The following IQGAP3 variants were observed in gnomAD, a reference collection of about 807,000 sequenced individuals.
The protein encoded by IQGAP3 is IQ motif containing GTPase activating protein 3.
A neutral mutation model predicts 208.2 loss-of-function variants in IQGAP3; 165 were observed. The observed-to-expected ratio is 0.79, with a 90% CI of 0.70 to 0.90. IQGAP3 has a LOEUF of 0.90. IQGAP3 is among the 40% of genes least tolerant of loss of function. The pLI, the probability that IQGAP3 is intolerant of heterozygous loss-of-function variation, is 0.00. For synonymous variants in IQGAP3, 703 were observed against 803.6 expected, an observed-to-expected ratio of 0.87 and a Z score of 2.12; for missense variants, 1,811 against 2,043.1, an observed-to-expected ratio of 0.89 and a Z score of 2.19.
chr1:156,564,949 T>C (rs1487814939), intron 4 of IQGAP3, among the ~76,000 whole-genome samples: 1 of 152,076 alleles, frequency 6.6e-6, no homozygotes, highest in African/African-American at 2.4e-5. Context: ...AAACACCAGA[T>C]AAGGCCATCA....
chr1:156,540,238 G>T (rs1674911384), intron 23 of IQGAP3, among the ~76,000 whole-genome samples: 2 of 152,134 alleles, frequency 1.3e-5, no homozygotes, highest in African/African-American at 4.8e-5. Context: ...CTGAGGAATT[G>T]TGTCTATTTG....
rs1210779054 is a variant in IQGAP3, at chr1:156,554,365, C to T, written c.1318G>A (p.Ala440Thr). Residue 440 changes from alanine to threonine, a missense_variant, in exon 13 of 38, where the codon GCT (alanine) becomes ACT (threonine). Ala to Thr is a moderately conservative substitution (Grantham distance 58). Transcript: ENST00000361170. The part of the protein sequence containing the change: ...GELGQEELFV[A>T]VEMLSAVVLI... ...ACCACAGCTGAGAGCATCTCCACAG[C>T]CACGAAGAGCTCCTCCTGGCCAAGC... 1.2e-6 allele frequency: 2 copies of T among 1,609,248 alleles called. No homozygotes were observed.
chr1:156,554,619 G>A lies in IQGAP3; in HGVS notation c.1291-227C>T, dbSNP rs191716220. Among the ~76,000 whole-genome samples, 1,053 of 152,210 alleles carry A rather than the reference G, an allele frequency of 6.9e-3. 4 individuals are homozygous for A. The highest frequency in any genetic ancestry group is 0.012 in the Non-Finnish European group (804 of 68,024). On this transcript the variant is annotated intron_variant, in intron 12 of 37. Transcript: ENST00000361170. The stretch of plus-strand genomic sequence containing the variant: ...TATCATTTAATTTTCATAATAAGCC[G>A]ACAATAGAACCATAGTACCATTAAC...
chr1:156,552,203 C>T, intron 13 of IQGAP3, 108 bp from the exon 14 acceptor site: 1 of 1,338,304 alleles, frequency 7.5e-7, no homozygotes, highest in East Asian at 2.4e-5. Flanking sequence ...GGACACCACA[C>T]TCTTTTAGTT....
chr1:156,570,201 C>A (rs901168546), intron 1 of IQGAP3, among the ~76,000 whole-genome samples: 12 of 152,048 alleles, frequency 7.9e-5, no homozygotes, highest in African/African-American at 2.7e-4. Flanking sequence ...TCATCAATAC[C>A]TCCTTTATGC....
At position 156,566,405 on chromosome 1, in the gene IQGAP3, C is replaced by T. The variant is rs1393315042; in HGVS notation, c.267G>A (p.Glu89=). 6.2e-7 allele frequency: 1 copy of T among 1,614,010 alleles called. No individual in the cohort carries two copies. Among genetic ancestry groups the T allele is most frequent in the Non-Finnish European group, 8.5e-7 (1 of 1,180,002 alleles). The change falls in exon 3 of 38, where the codon GAG becomes GAA. Residue 89 remains glutamate (E), a synonymous_variant. Coordinates refer to ENST00000361170, the MANE Select transcript of IQGAP3 (RefSeq NM_178229.5). ...ATCCTCCCACCTGGTACCGCAGCTG[C>T]TCCACATCGTAGATCTTCTTCAAGG... ...VVPLKKIYDV[E]QLRYQATGLH...
At chr1:156,527,347 G>T (rs189824996) in intron 37 of IQGAP3, among the ~76,000 whole-genome samples, 7 of 151,712 alleles carry the variant, frequency 4.6e-5, no homozygotes, top group South Asian at 4.2e-4. Flanking sequence ...GTGTGGTGGC[G>T]CACGCCTGTA....
At chr1:156,552,245 G>A in intron 13 of IQGAP3, 150 bp from the exon 14 acceptor site, 1 of 986,164 alleles carries the variant, frequency 1.0e-6, no homozygotes, top group Non-Finnish European at 1.5e-6. Context: ...TTCTTTCTGA[G>A]ACACCTCTGC....
At chr1:156,561,250 C>A (rs1397418506) in intron 10 of IQGAP3, among the ~76,000 whole-genome samples, 5 of 151,996 alleles carry the variant, frequency 3.3e-5, no homozygotes, top group African/African-American at 1.2e-4. Flanking sequence ...CTCACGGCAA[C>A]CTCTGCCTCC....
chr1:156,541,677 C>T (rs1348565614), intron 22 of IQGAP3, among the ~76,000 whole-genome samples: 1 of 152,136 alleles, frequency 6.6e-6, no homozygotes, highest in African/African-American at 2.4e-5. Context: ...GCAACTTGCC[C>T]TATGTTACAC....
intron 14 of IQGAP3, 34 bp from the exon 15 acceptor site, chr1:156,551,902 C>T (rs1675569582): frequency 6.3e-7 from 1 of 1,597,882 alleles, no homozygotes; most frequent in Non-Finnish European, 8.5e-7. Context: ...GCAGGGGGCC[C>T]CTAGACTTAA....
intron 27 of IQGAP3, 117 bp downstream of exon 27, chr1:156,537,064 G>T: frequency 1.8e-6 from 2 of 1,115,920 alleles, no homozygotes; most frequent in Non-Finnish European, 2.6e-6. Flanking sequence ...AGTACCCCTG[G>T]CTCCATCTCC....
intron 15 of IQGAP3, among the ~76,000 whole-genome samples, chr1:156,550,667 C>T (rs1258892748): frequency 6.6e-6 from 1 of 152,220 alleles, no homozygotes; most frequent in African/African-American, 2.4e-5. Flanking sequence ...CAGCTCAATT[C>T]CCTGCTCTTA....
chr1:156,564,931 G>A (rs1676334070), intron 4 of IQGAP3, among the ~76,000 whole-genome samples: 1 of 152,126 alleles, frequency 6.6e-6, no homozygotes, highest in Non-Finnish European at 1.5e-5. Context: ...GGGTGCCCTG[G>A]ATTAACCAAA....
chr1:156,564,747 G>C, intron 4 of IQGAP3, 56 bp from the exon 5 acceptor site: 1 of 1,244,062 alleles, frequency 8.0e-7, no homozygotes, highest in Non-Finnish European at 1.2e-6. Flanking sequence ...ACCACCAAAT[G>C]CGGAGAGGGG....
intron 29 of IQGAP3, 92 bp downstream of exon 29, chr1:156,534,409 C>T (rs1156438325): frequency 5.7e-6 from 6 of 1,048,854 alleles, no homozygotes; most frequent in Non-Finnish European, 8.3e-6. Context: ...TCTATTTATG[C>T]CTCTTGTCCT....
At chr1:156,565,572 A>C (rs1676364927) in intron 4 of IQGAP3, among the ~76,000 whole-genome samples, 1 of 152,246 alleles carries the variant, frequency 6.6e-6, no homozygotes, top group African/African-American at 2.4e-5. Context: ...TAAGGTAGAC[A>C]GGGCAGGGCT....
chr1:156,527,779 G>A (rs957471951), intron 37 of IQGAP3, among the ~76,000 whole-genome samples, 173 bp downstream of exon 37: 2 of 152,192 alleles, frequency 1.3e-5, no homozygotes, highest in Non-Finnish European at 2.9e-5. Context: ...GGGGAAAGGG[G>A]GGCTTGGGCT....
intron 32 of IQGAP3, among the ~76,000 whole-genome samples, chr1:156,532,668 C>T (rs377494417): frequency 6.6e-6 from 1 of 151,960 alleles, no homozygotes; most frequent in Non-Finnish European, 1.5e-5. Context: ...GGCAACATGG[C>T]GAGACTCTGT....
Sources: allele counts gnomAD v4.1 joint callset (sites outside exome capture counted in the v4.1 genomes callset), GRCh38; gene constraint gnomAD v4.1.1; transcripts MANE v1.5; gene names NCBI Gene and HGNC (gene_info 2026-07-23, HGNC 2026-07-21).